MAP4K1: variants seen among roughly 807,000 people sequenced by gnomAD.
MAP4K1 encodes mitogen-activated protein kinase kinase kinase kinase 1.
MAP4K1 carries 35 observed loss-of-function variants against 122.8 expected under a neutral mutation model. The observed-to-expected ratio is 0.29, with a 90% CI of 0.22 to 0.38. MAP4K1 has a LOEUF of 0.38. MAP4K1 is among the 10% of genes least tolerant of loss of function. The pLI, the probability that MAP4K1 is intolerant of heterozygous loss-of-function variation, is 1.00. For missense variants in MAP4K1, 791 were observed against 1,072.6 expected (o/e 0.74, Z 3.67); for synonymous variants, 412 against 421.3 (o/e 0.98, Z 0.27).
At position 38,603,219 on chromosome 19, in the gene MAP4K1, CAT is replaced by C. The variant is rs916252364; in HGVS notation, c.1447-1696_1447-1695del. On this transcript the variant is annotated intron_variant, in intron 19 of 30. Transcript: ENST00000396857. ...ACATATATACACATACATATATACA[CAT>C]ATACATATACACATATATATACACA... Among the ~76,000 whole-genome samples the C allele has an allele frequency of 2.1e-4, 31 of 146,870 alleles. 1 individual carries two copies. Among genetic ancestry groups the C allele is most frequent in the East Asian group, 1.5e-3 (7 of 4,742 alleles).
intron 25 of MAP4K1, 30 bp from the exon 26 acceptor site, chr19:38,596,516 G>A: frequency 6.7e-7 from 1 of 1,502,926 alleles, no homozygotes; most frequent in Middle Eastern, 1.9e-4. Context: ...GGGCGGGCTA[G>A]GGGGTGGTTC....
chr19:38,604,647 G>A (rs562508891), intron 19 of MAP4K1, among the ~76,000 whole-genome samples: 39 of 151,764 alleles, frequency 2.6e-4, no homozygotes, highest in African/African-American at 8.2e-4. Flanking sequence ...AAAATTAGCC[G>A]GGCCTGGTGG....
chr19:38,612,331 A>C (rs1200066381), intron 9 of MAP4K1, among the ~76,000 whole-genome samples: 1 of 151,612 alleles, frequency 6.6e-6, no homozygotes, highest in Non-Finnish European at 1.5e-5. Flanking sequence ...GAGGCAGGAA[A>C]ATAGCTTGAA....
chr19:38,593,346 A>C lies in MAP4K1; in HGVS notation c.2341-9T>G. 6.2e-7 allele frequency: 1 copy of C among 1,606,374 alleles called. No individual in the cohort carries two copies. Among genetic ancestry groups the C allele is most frequent in the Non-Finnish European group, 8.5e-7 (1 of 1,176,206 alleles). ...CTCAGCTCCTGTAGCAGCTAGGGAAAAAAAGTGTGTGTCTCAGTGCCTGGA... is the reference window on the plus strand; with the variant it reads ...CTCAGCTCCTGTAGCAGCTAGGGAACAAAAGTGTGTGTCTCAGTGCCTGGA... On this transcript the variant is annotated splice_polypyrimidine_tract_variant and intron_variant, in intron 29 of 30. Coordinates refer to ENST00000396857, the MANE Select transcript of MAP4K1 (RefSeq NM_001042600.3).
intron 3 of MAP4K1, among the ~76,000 whole-genome samples, chr19:38,616,919 G>A (rs955591451): frequency 3.9e-5 from 6 of 152,024 alleles, no homozygotes; most frequent in Non-Finnish European, 8.8e-5. Context: ...TGGGAGGTCG[G>A]GTTATGGTGA....
chr19:38,599,012 C>CAAAAA (rs944497385), intron 22 of MAP4K1, among the ~76,000 whole-genome samples: 1 of 37,994 alleles, frequency 2.6e-5, no homozygotes, highest in Non-Finnish European at 5.0e-5. Context: ...GAGTCTATCT[C>CAAAAA]AAAAAAAAAA....
intron 19 of MAP4K1, among the ~76,000 whole-genome samples, chr19:38,602,663 C>T (rs1288007173): frequency 1.4e-5 from 2 of 147,494 alleles, no homozygotes; most frequent in Admixed American, 1.4e-4. Flanking sequence ...CATATATACA[C>T]ATGTACATAT....
At position 38,597,580 on chromosome 19, in the gene MAP4K1, G is replaced by C; in HGVS notation, c.1684C>G (p.Leu562Val). The change falls in exon 23 of 31, where the codon CTG (leucine) becomes GTG (valine). Residue 562 changes from leucine (L) to valine (V), a missense_variant. Physicochemically the swap from Leu to Val is conservative, Grantham distance 32. This residue lies in a region of MAP4K1 where 58 missense variants were observed against 118.7 expected (regional missense o/e 0.49). Coordinates refer to ENST00000396857, the MANE Select transcript of MAP4K1 (RefSeq NM_001042600.3). This position sits in a 1 kb window ranked among gnomAD's most constrained non-coding sequence, Gnocchi z 4.6. Reference sequence around the variant, plus strand: ...AGGCCAAGGATGCTATGAGAATACAGGTGGGGGGTCTTTCCTGCAGGGTGT... The same window carrying C: ...AGGCCAAGGATGCTATGAGAATACACGTGGGGGGTCTTTCCTGCAGGGTGT... Reference protein sequence around the residue: ...LMSLSGKTPHLYSHSILGLLE... With the variant: ...LMSLSGKTPHVYSHSILGLLE... The C allele has an allele frequency of 6.2e-7, 1 of 1,612,480 alleles. No homozygotes were observed. Among genetic ancestry groups the C allele is most frequent in the East Asian group, 2.2e-5 (1 of 44,882 alleles).
chr19:38,609,498 G>T, intron 13 of MAP4K1, 98 bp downstream of exon 13: 1 of 1,023,844 alleles, frequency 9.8e-7, no homozygotes, highest in Non-Finnish European at 1.5e-6. Context: ...AGGATCAGAT[G>T]ATGCTGAGGG....
In MAP4K1 at chr19:38,614,228, C is replaced by T. The variant is rs200869186; in HGVS notation, c.417+17G>A. 85 of 1,613,886 alleles carry T rather than the reference C, an allele frequency of 5.3e-5. No homozygotes were observed. The highest frequency in any genetic ancestry group is 3.3e-4 in the Middle Eastern group (2 of 6,076). ...TGGGCCCCACCCCCCAACAGCACCC[C>T]TACACCCCCAGACCACCTTGATGTC... On this transcript the variant is annotated intron_variant, in intron 6 of 30. Transcript: ENST00000396857.
chr19:38,602,808 A>G (rs1408616211), intron 19 of MAP4K1, among the ~76,000 whole-genome samples: 4 of 149,280 alleles, frequency 2.7e-5, no homozygotes, highest in African/African-American at 9.8e-5. Flanking sequence ...ATACATATAT[A>G]CATATATACA....
chr19:38,596,374 G>A lies in MAP4K1; in HGVS notation c.2054C>T (p.Ser685Leu). 6.2e-7 allele frequency: 1 copy of A among 1,600,116 alleles called. No individual in the cohort carries two copies. Among genetic ancestry groups the A allele is most frequent in the Non-Finnish European group, 8.5e-7 (1 of 1,176,088 alleles). ...IGVSPGRPGKSVLFHTVRFGA... is the reference protein window; with the variant it reads ...IGVSPGRPGKLVLFHTVRFGA... ...AAAGCGCACCGTGTGGAAGAGCACC[G>A]ACTTCCCCGGCCGCCCGGGGCTCAC... The change falls in exon 26 of 31, where the codon TCG becomes TTG. Residue 685 changes from serine to leucine, a missense_variant. Physicochemically the swap from Ser to Leu is moderately radical, Grantham distance 145. Around this residue, in one of 4 missense-constraint regions of MAP4K1, gnomAD observed 267 missense variants for 323.0 expected, o/e 0.83. Transcript: ENST00000396857.
chr19:38,597,064 G>A lies in MAP4K1; in HGVS notation c.1911C>T (p.Tyr637=), dbSNP rs1482333734. 6.2e-7 allele frequency: 1 copy of A among 1,614,100 alleles called. No individual in the cohort carries two copies. Among genetic ancestry groups the A allele is most frequent in the Non-Finnish European group, 8.5e-7 (1 of 1,179,994 alleles). Residue 637 remains tyrosine, a synonymous_variant, in exon 25 of 31, where the codon TAC becomes TAT. Transcript: ENST00000396857. This position sits in a 1 kb window ranked among gnomAD's most constrained non-coding sequence, Gnocchi z 4.6. ...CAAGCAGGAATTTGTTCATGGGCTG[G>A]TACCACTGAAGCAGGACAACGGACG... ...LETSVVLLQW[Y]QPMNKFLLVR...
rs762787908 is a variant in MAP4K1, at chr19:38,609,565, G to A, written c.1006+31C>T. On this transcript the variant is annotated intron_variant, in intron 13 of 30. Coordinates refer to ENST00000396857, the MANE Select transcript of MAP4K1 (RefSeq NM_001042600.3). The stretch of plus-strand genomic sequence containing the variant: ...TCTCTTAGGTCTATTATAGGGTCAG[G>A]TGTCCCCAAACATAAGGATTCTCTA... The A allele has an allele frequency of 3.1e-6, 5 of 1,598,482 alleles. No individual in the cohort carries two copies. In the South Asian group the frequency reaches 3.4e-5, roughly 11 times the overall value.
In MAP4K1 at chr19:38,610,372, ATTTTTTTTTTTTT is replaced by A. The variant is rs35103992; in HGVS notation, c.811-360_811-348del. Among the ~76,000 whole-genome samples the A allele has an allele frequency of 2.0e-4, 15 of 76,196 alleles. No homozygotes were observed. In the South Asian group the frequency reaches 4.1e-3, roughly 21 times the overall value. The allele number at this position is 76,196 out of a possible 152,430, so 50.0% of individuals were successfully genotyped here. ...AGGCTCGTGCCACCACGCCCAGCTA[ATTTTTTTTTTTTT>A]TTTTTTTTTTTTTTTTTTGAGACAG... On this transcript the variant is annotated intron_variant, in intron 11 of 30. Coordinates refer to ENST00000396857, the MANE Select transcript of MAP4K1 (RefSeq NM_001042600.3).
chr19:38,617,802 A>G lies in MAP4K1; in HGVS notation c.94T>C (p.Phe32Leu). 6.2e-7 allele frequency: 1 copy of G among 1,613,912 alleles called. No homozygotes were observed. Among genetic ancestry groups the G allele is most frequent in the Non-Finnish European group, 8.5e-7 (1 of 1,179,922 alleles). Reference protein sequence around the residue: ...RLGGGTYGEVFKARDKVSGDL... With the variant: ...RLGGGTYGEVLKARDKVSGDL... ...GGACAGAGGGGCTTCCTCACCTTAA[A>G]GACTTCCCCATACGTGCCGCCACCC... Residue 32 changes from phenylalanine to leucine, a missense_variant, in exon 1 of 31, where the codon TTT (phenylalanine) becomes CTT (leucine). Coordinates refer to ENST00000396857, the MANE Select transcript of MAP4K1 (RefSeq NM_001042600.3). This position sits in a 1 kb window ranked among gnomAD's most constrained non-coding sequence, Gnocchi z 4.1.
At chr19:38,591,252 G>C (rs1449105248) in intron 30 of MAP4K1, among the ~76,000 whole-genome samples, 1 of 152,008 alleles carries the variant, frequency 6.6e-6, no homozygotes, top group African/African-American at 2.4e-5. Context: ...CATCTGGCCA[G>C]GTACAGTGGC....
At chr19:38,590,388 AAAAAAAATATATATATAT>A (rs1311113358) in intron 30 of MAP4K1, among the ~76,000 whole-genome samples, 20 of 48,794 alleles carry the variant, frequency 4.1e-4, no homozygotes, top group East Asian at 8.7e-4. Flanking sequence ...AAAAAAAAAA[AAAAAAAATATATATATAT>A]ATATATATAT....
chr19:38,598,056 A>AT, intron 22 of MAP4K1, among the ~76,000 whole-genome samples: 1 of 152,174 alleles, frequency 6.6e-6, no homozygotes, highest in Admixed American at 6.6e-5. Flanking sequence ...TATTTTAGAC[A>AT]GTCTCGCTCT....
Sources: allele counts gnomAD v4.1 joint callset (sites outside exome capture counted in the v4.1 genomes callset), GRCh38; gene constraint gnomAD v4.1.1; regional missense constraint gnomAD v4.1.1; non-coding constraint Gnocchi (gnomAD v3.1); transcripts MANE v1.5; gene names NCBI Gene and HGNC (gene_info 2026-07-23, HGNC 2026-07-21).